The following CSMD2 variants were observed in gnomAD, a reference collection of about 807,000 sequenced individuals.
The protein encoded by CSMD2 is CUB and sushi domain-containing protein 2.
CSMD2 carries 130 observed loss-of-function variants against 398.5 expected under a neutral mutation model. The observed-to-expected ratio is 0.33, with a 90% CI of 0.28 to 0.38. The LOEUF is 0.38. Among genes scored for constraint, CSMD2 ranks in the 10% least tolerant of loss-of-function variants. CSMD2 has a pLI of 1.00. For missense variants in CSMD2, 3,829 were observed against 4,764.9 expected (o/e 0.80, Z 5.78); for synonymous variants, 1,828 against 1,908.5 (o/e 0.96, Z 1.10).
At chr1:33,977,130 C>T (rs1645995398) in intron 3 of CSMD2, among the ~76,000 whole-genome samples, 1 of 152,036 alleles carries the variant, frequency 6.6e-6, no homozygotes, top group African/African-American at 2.4e-5. Flanking sequence ...TCCACCTACT[C>T]TGAGCCAGAT....
At chr1:34,040,205 A>AT (rs1651682426) in intron 2 of CSMD2, among the ~76,000 whole-genome samples, 1 of 96,584 alleles carries the variant, frequency 1.0e-5, no homozygotes, top group Non-Finnish European at 2.3e-5. Flanking sequence ...AAAAAATTAA[A>AT]TTAAAAAAAA....
intron 3 of CSMD2, among the ~76,000 whole-genome samples, chr1:34,023,439 A>G (rs1649203368): frequency 6.6e-6 from 1 of 152,208 alleles, no homozygotes; most frequent in Non-Finnish European, 1.5e-5. Flanking sequence ...TGTTGTACAA[A>G]AGCCTTATAT....
chr1:33,673,855 C>G (rs951088640), intron 25 of CSMD2, among the ~76,000 whole-genome samples: 1 of 152,190 alleles, frequency 6.6e-6, no homozygotes, highest in Admixed American at 6.5e-5. Flanking sequence ...CATATCCAGC[C>G]AAACTAGCTT....
Position 33,692,112 on chromosome 1 carries a change from C to T in CSMD2, c.4052+818G>A, listed in dbSNP as rs865938875. On this transcript the variant is annotated intron_variant, in intron 25 of 70. Coordinates refer to ENST00000373381, the MANE Select transcript of CSMD2 (RefSeq NM_001281956.2). ...TATAAAATGGGAATTACAATAATGCCTATTTGTTATTAGGGCTTACTATTA... is the reference window on the plus strand; with the variant it reads ...TATAAAATGGGAATTACAATAATGCTTATTTGTTATTAGGGCTTACTATTA... 3.4e-4 allele frequency among the ~76,000 whole-genome samples: 51 copies of T among 152,116 alleles called. 1 individual carries two copies. The highest frequency in any genetic ancestry group is 3.0e-3 in the Admixed American group (46 of 15,284).
intron 48 of CSMD2, among the ~76,000 whole-genome samples, chr1:33,580,306 T>C (rs972340689): frequency 5.9e-5 from 9 of 152,216 alleles, no homozygotes; most frequent in African/African-American, 2.2e-4. Flanking sequence ...GTTGCCTGGG[T>C]CAGTCTTTGG....
chr1:33,959,625 C>T (rs1383592590), intron 3 of CSMD2, among the ~76,000 whole-genome samples: 1 of 152,180 alleles, frequency 6.6e-6, no homozygotes, highest in East Asian at 1.9e-4. Flanking sequence ...CCTCCTGCTG[C>T]CCTTGACTCC....
At chr1:33,542,357 G>A (rs527899851) in intron 58 of CSMD2, among the ~76,000 whole-genome samples, 1 of 152,194 alleles carries the variant, frequency 6.6e-6, no homozygotes, top group African/African-American at 2.4e-5. Flanking sequence ...TCTGGGGTTT[G>A]ATTCTAAGAG....
At chr1:34,043,609 A>T (rs897787307) in intron 2 of CSMD2, among the ~76,000 whole-genome samples, 1 of 152,210 alleles carries the variant, frequency 6.6e-6, no homozygotes, top group African/African-American at 2.4e-5. Context: ...GAGTCAATAA[A>T]TGACGGTTTC....
At chr1:33,631,719 A>C (rs1642478358) in intron 32 of CSMD2, among the ~76,000 whole-genome samples, 1 of 152,188 alleles carries the variant, frequency 6.6e-6, no homozygotes, top group Non-Finnish European at 1.5e-5. Flanking sequence ...GGAGAGACAT[A>C]TTGTATTCCT....
Position 33,577,288 on chromosome 1 carries a change from C to T in CSMD2, c.7576+8G>A, listed in dbSNP as rs1248115330. On this transcript the variant is annotated splice_region_variant and intron_variant, in intron 49 of 70. Transcript: ENST00000373381. Reference sequence around the variant, plus strand: ...TACCTTGTGACCCCCTTTCCACCTGCTTCTCACCTTGACAGAGAGGGATGG... The same window carrying T: ...TACCTTGTGACCCCCTTTCCACCTGTTTCTCACCTTGACAGAGAGGGATGG... The T allele has an allele frequency of 6.3e-7, 1 of 1,595,606 alleles. No homozygotes were observed. The highest frequency in any genetic ancestry group is 2.2e-5 in the East Asian group (1 of 44,456).
chr1:33,611,632 T>C (rs1641014518), intron 40 of CSMD2, among the ~76,000 whole-genome samples: 1 of 152,184 alleles, frequency 6.6e-6, no homozygotes, highest in African/African-American at 2.4e-5. Flanking sequence ...CCCCAATACT[T>C]AATCAAAAGA....
chr1:33,640,931 G>T (rs1032665107), intron 29 of CSMD2, among the ~76,000 whole-genome samples: 3 of 152,168 alleles, frequency 2.0e-5, no homozygotes, highest in African/African-American at 7.2e-5. Context: ...GGGCTTGAAA[G>T]AGAAAATACA....
intron 9 of CSMD2, 87 bp from the exon 10 acceptor site, chr1:33,810,951 G>A: frequency 1.4e-6 from 2 of 1,455,172 alleles, no homozygotes; most frequent in Non-Finnish European, 9.5e-7. Context: ...AGAAGACACT[G>A]CATCTGTACA....
Position 34,077,453 on chromosome 1 carries a change from T to G in CSMD2, c.404+11524A>C, listed in dbSNP as rs1284682450. Among the ~76,000 whole-genome samples the G allele has an allele frequency of 1.5e-4, 9 of 58,834 alleles. No homozygotes were observed. The East Asian group carries it at 3.9e-3, about 25-fold the overall frequency. The allele number at this position is 58,834 out of a possible 152,430, so 38.6% of individuals were successfully genotyped here. A position where few individuals can be genotyped will look rare whatever the true frequency, so the allele number is the denominator to read the frequency against. ...GCCTGGGCTAAAGAGCGGAACTCCG[T>G]CTCAAAAAAAAAAAAAAAAAAAAAA... On this transcript the variant is annotated intron_variant, in intron 2 of 70. Coordinates refer to ENST00000373381, the MANE Select transcript of CSMD2 (RefSeq NM_001281956.2).
chr1:33,811,752 T>G (rs892379063), intron 9 of CSMD2, among the ~76,000 whole-genome samples: 2 of 152,244 alleles, frequency 1.3e-5, no homozygotes, highest in African/African-American at 4.8e-5. Flanking sequence ...AGGTATTTGC[T>G]TTCTTTAAAA....
At chr1:34,110,343 G>T (rs1660952975) in intron 1 of CSMD2, among the ~76,000 whole-genome samples, 1 of 151,944 alleles carries the variant, frequency 6.6e-6, no homozygotes, top group South Asian at 2.1e-4. Context: ...CCCATTACTG[G>T]GTATATACAC....
chr1:33,626,894 G>A (rs547277220), intron 32 of CSMD2, among the ~76,000 whole-genome samples: 1 of 152,320 alleles, frequency 6.6e-6, no homozygotes, highest in South Asian at 2.1e-4. Flanking sequence ...TGCCGGAAAG[G>A]AGAAGGCTGC....
chr1:33,706,830 A>G (rs763119009), intron 22 of CSMD2, among the ~76,000 whole-genome samples: 4 of 149,968 alleles, frequency 2.7e-5, no homozygotes, highest in African/African-American at 9.9e-5. Flanking sequence ...GTGCGTGTGT[A>G]TGTGTGTGTG....
At chr1:33,713,721 G>A (rs1646066689) in intron 21 of CSMD2, among the ~76,000 whole-genome samples, 1 of 152,054 alleles carries the variant, frequency 6.6e-6, no homozygotes, top group Non-Finnish European at 1.5e-5. Context: ...CTTGGCCTCT[G>A]AGCTGTTCCT....
Sources: gnomAD v4.1 joint callset for allele counts (sites outside exome capture counted in the v4.1 genomes callset) on GRCh38, gnomAD v4.1.1 for gene constraint, MANE v1.5 for transcripts, NCBI Gene and HGNC (gene_info 2026-07-23, HGNC 2026-07-21) for gene names.